CCDC125: variants seen among roughly 807,000 people sequenced by gnomAD.
CCDC125 encodes the protein coiled-coil domain containing 125, also known as coiled-coil domain-containing protein 125.
In CCDC125, 43 loss-of-function variants were observed where a neutral mutation model predicts 57.4. That is an observed-to-expected ratio of 0.75 (90% CI 0.59 to 0.97). CCDC125 has a LOEUF of 0.97. Ranked by LOEUF, CCDC125 falls within the 50% of genes least tolerant of loss-of-function variation. The pLI is 0.00. For synonymous variants in CCDC125, 187 were observed against 195.2 expected (o/e 0.96, Z 0.35); for missense variants, 563 against 595.7 (o/e 0.95, Z 0.57).
chr5:69,285,541 C>T, intron 10 of CCDC125, 74 bp from the exon 11 acceptor site: 1 of 1,452,550 alleles, frequency 6.9e-7, no homozygotes, highest in Non-Finnish European at 9.3e-7. Flanking sequence ...AAAGAGGTAA[C>T]TTGATCTCTA....
chr5:69,292,155 C>T, intron 10 of CCDC125, 33 bp downstream of exon 10: 3 of 1,542,492 alleles, frequency 1.9e-6, no homozygotes, highest in Non-Finnish European at 2.6e-6. Flanking sequence ...ACTAAAATTA[C>T]ACCCACTTAT....
the CCDC125 span, among the ~76,000 whole-genome samples, chr5:69,275,160 T>G: frequency 6.6e-6 from 1 of 152,106 alleles, no homozygotes; most frequent in Non-Finnish European, 1.5e-5. Context: ...AGAAAATGTA[T>G]TGTATCTACA....
intron 3 of CCDC125, among the ~76,000 whole-genome samples, chr5:69,312,682 T>G (rs1188704044): frequency 1.3e-5 from 2 of 152,140 alleles, no homozygotes; most frequent in Admixed American, 6.6e-5. Flanking sequence ...CCGGTGGGCA[T>G]GTTTACATAA....
chr5:69,277,009 T>C, downstream of CCDC125: 2 of 998,374 alleles, frequency 2.0e-6, no homozygotes, highest in Non-Finnish European at 3.0e-6. Flanking sequence ...AGTGAAATAA[T>C]GTAGTTGGAA....
At chr5:69,275,429 C>G (rs1358761591), downstream of CCDC125, among the ~76,000 whole-genome samples, 1 of 152,048 alleles carries the variant, frequency 6.6e-6, no homozygotes, top group Admixed American at 6.6e-5. Flanking sequence ...AAGTTTCTCT[C>G]TTTGCATTTT....
intron 1 of CCDC125, among the ~76,000 whole-genome samples, chr5:69,329,424 G>A (rs1256728247): frequency 2.0e-5 from 3 of 149,310 alleles, no homozygotes; most frequent in Non-Finnish European, 3.0e-5. Context: ...CTGGGCTCAA[G>A]CAATCCTTCT....
intron 2 of CCDC125, among the ~76,000 whole-genome samples, chr5:69,315,843 T>G (rs1759004532): frequency 6.6e-6 from 1 of 150,966 alleles, no homozygotes; most frequent in Non-Finnish European, 1.5e-5. Context: ...GTCCTGTAAC[T>G]TCAATTATTT....
At chr5:69,308,283 C>T (rs900724673) in intron 4 of CCDC125, 2 of 481,072 alleles carry the variant, frequency 4.2e-6, no homozygotes, top group African/African-American at 1.9e-5. Flanking sequence ...TACTATTCAT[C>T]AGTCAAAAAG....
chr5:69,325,325 CAA>C (rs10689123), intron 1 of CCDC125, among the ~76,000 whole-genome samples: 16 of 107,902 alleles, frequency 1.5e-4, no homozygotes, highest in Admixed American at 1.1e-4. Flanking sequence ...GATTCTGTCT[CAA>C]AAAAAAAAAA....
rs1310173851 is a variant in CCDC125 at position 69,280,469 on chromosome 5, T to TAATGC, written c.*2255_*2259dup. ...CAACACCTCACCTCCTTATGAATAA[T>TAATGC]AATGCAAAACTCCCATAAAGGGAGT... On this transcript the variant is annotated 3_prime_UTR_variant, in exon 12 of 12. Transcript: ENST00000396496. The TAATGC allele has an allele frequency of 6.6e-6, 1 of 152,170 alleles. No homozygotes were observed. The highest frequency in any genetic ancestry group is 2.4e-5 in the African/African-American group (1 of 41,442). 9.4% of individuals were successfully genotyped at this position (152,170 alleles called of 1,614,324 possible).
At chr5:69,327,439 C>T (rs1257341708) in intron 1 of CCDC125, among the ~76,000 whole-genome samples, 1 of 152,128 alleles carries the variant, frequency 6.6e-6, no homozygotes, top group South Asian at 2.1e-4. Context: ...ACATGAAATA[C>T]CATACAAATT....
intron 6 of CCDC125, among the ~76,000 whole-genome samples, chr5:69,304,288 AG>A (rs1756975499): frequency 1.3e-5 from 2 of 151,782 alleles, no homozygotes; most frequent in Non-Finnish European, 2.9e-5. Context: ...TATTTTTAGT[AG>A]AAACGGGATT....
chr5:69,279,272 A>G (rs1579907388), downstream of CCDC125, among the ~76,000 whole-genome samples: 1 of 145,328 alleles, frequency 6.9e-6, no homozygotes, highest in East Asian at 2.0e-4. Flanking sequence ...ATCTCGGCTC[A>G]CTGCAACCTC....
intron 6 of CCDC125, 115 bp downstream of exon 6, chr5:69,306,702 G>A (rs750406880): frequency 8.6e-7 from 1 of 1,163,158 alleles, no homozygotes; most frequent in Non-Finnish European, 1.1e-6. Context: ...AAGTGGATAA[G>A]CAATAAAAAT....
chr5:69,331,776 C>G (rs908400464), intron 1 of CCDC125, among the ~76,000 whole-genome samples: 1 of 152,144 alleles, frequency 6.6e-6, no homozygotes, highest in Non-Finnish European at 1.5e-5. Context: ...CTTCTCAGAG[C>G]CCCCTCAGTT....
chr5:69,288,097 T>G (rs1271002638), intron 10 of CCDC125, among the ~76,000 whole-genome samples: 1 of 152,166 alleles, frequency 6.6e-6, no homozygotes, highest in Non-Finnish European at 1.5e-5. Context: ...GGTGAATCTT[T>G]TCTCATAGTT....
chr5:69,278,820 T>G (rs1169705129), downstream of CCDC125, among the ~76,000 whole-genome samples: 1 of 150,790 alleles, frequency 6.6e-6, no homozygotes, highest in Non-Finnish European at 1.5e-5. Context: ...TCCACCTCTG[T>G]CCCCAGTAGC....
intron 2 of CCDC125, among the ~76,000 whole-genome samples, chr5:69,317,974 T>C (rs1338009218): frequency 2.3e-5 from 1 of 42,730 alleles, no homozygotes; most frequent in South Asian, 9.8e-4. Flanking sequence ...GTCTCTAGAA[T>C]TTTTTTTTTT....
At chr5:69,277,193 G>T, downstream of CCDC125, 1 of 1,287,186 alleles carries the variant, frequency 7.8e-7, no homozygotes, top group Non-Finnish European at 1.1e-6. Context: ...GCAAATAATG[G>T]AAAAATAGTA....
Sources: allele counts gnomAD v4.1 joint callset (sites outside exome capture counted in the v4.1 genomes callset), GRCh38; gene constraint gnomAD v4.1.1; transcripts MANE v1.5; gene names NCBI Gene and HGNC (gene_info 2026-07-23, HGNC 2026-07-21).